The following LPIN2 variants were observed in gnomAD, a reference collection of about 807,000 sequenced individuals.
The protein encoded by LPIN2 is lipin 2.
In LPIN2, 55 loss-of-function variants were observed where a neutral mutation model predicts 111.4. The ratio of observed to expected loss-of-function variants is 0.49; its 90% CI spans 0.40 to 0.62. LPIN2 has a LOEUF of 0.62. Among genes scored for constraint, LPIN2 ranks in the 20% least tolerant of loss-of-function variants. The pLI is 0.00. For synonymous variants in LPIN2, 425 were observed against 414.0 expected, an observed-to-expected ratio of 1.03 and a Z score of -0.32; for missense variants, 992 against 1,112.1, an observed-to-expected ratio of 0.89 and a Z score of 1.54.
intron 1 of LPIN2, among the ~76,000 whole-genome samples, chr18:3,000,414 T>C (rs2078417470): frequency 6.6e-6 from 1 of 152,202 alleles, no homozygotes; most frequent in African/African-American, 2.4e-5. Context: ...GCTCAAAGGA[T>C]AAAGAAACAC....
At chr18:2,941,889 A>C (rs1045807839) in intron 4 of LPIN2, among the ~76,000 whole-genome samples, 18 of 152,210 alleles carry the variant, frequency 1.2e-4, no homozygotes, top group Admixed American at 2.6e-4. Flanking sequence ...GCACCACTGC[A>C]CTCCAGCCTA....
At chr18:2,991,148 A>T (rs981972533) in intron 1 of LPIN2, 2 of 336,400 alleles carry the variant, frequency 5.9e-6, no homozygotes, top group Non-Finnish European at 1.2e-5. Context: ...GGAGATCACA[A>T]TGCTGTGACT....
chr18:2,924,207 C>A (rs577494784), intron 15 of LPIN2, among the ~76,000 whole-genome samples, 191 bp downstream of exon 15: 1 of 152,206 alleles, frequency 6.6e-6, no homozygotes, highest in South Asian at 2.1e-4. Context: ...TGTTATGCAC[C>A]CTCACCATCT....
At chr18:2,966,069 G>C (rs2077797807) in intron 1 of LPIN2, among the ~76,000 whole-genome samples, 1 of 152,044 alleles carries the variant, frequency 6.6e-6, no homozygotes, top group Admixed American at 6.5e-5. Context: ...CGGAGAAGCT[G>C]GGACTACAGG....
intron 1 of LPIN2, among the ~76,000 whole-genome samples, chr18:2,989,100 T>C (rs944076512): frequency 3.9e-5 from 6 of 152,156 alleles, no homozygotes; most frequent in African/African-American, 1.2e-4. Flanking sequence ...ATCTACACAA[T>C]TCTCATGAAA....
At chr18:2,944,077 C>T (rs2077407483) in intron 4 of LPIN2, among the ~76,000 whole-genome samples, 1 of 151,830 alleles carries the variant, frequency 6.6e-6, no homozygotes, top group Non-Finnish European at 1.5e-5. Flanking sequence ...AGAGTTCTGG[C>T]CTTCAGAATA....
Position 3,000,082 on chromosome 18 carries a change from A to G in LPIN2, c.-10+13005T>C, listed in dbSNP as rs185509170. ...AGAGGAGGAGGAGGAGGAAGAGGAG[A>G]AGGAGGAAGAGGGGAAAGAGGGGAA... On this transcript the variant is annotated intron_variant, in intron 1 of 19. Coordinates refer to ENST00000677752, the MANE Select transcript of LPIN2 (RefSeq NM_001375808.2). Among the ~76,000 whole-genome samples the G allele has an allele frequency of 3.8e-3, 533 of 140,148 alleles. 7 individuals are homozygous for G. Among genetic ancestry groups the G allele is most frequent in the Admixed American group, 0.015 (205 of 13,780 alleles). The allele number at this position is 140,148 out of a possible 152,430, so 91.9% of individuals were successfully genotyped here.
In LPIN2 at chr18:2,939,614, A is replaced by AAC. The variant is rs775605400; in HGVS notation, c.699-13_699-12dup. On this transcript the variant is annotated splice_polypyrimidine_tract_variant and intron_variant, in intron 5 of 19. Transcript: ENST00000677752. ...GTCTGGGGATAGGTGCTGCAAAGAG[A>AAC]ACAAAGACACACGATGACTTGAAAG... is the stretch of plus-strand genomic sequence containing the variant. The AAC allele has an allele frequency of 8.9e-5, 143 of 1,612,606 alleles. No individual in the cohort carries two copies. The African/African-American group carries it at 1.7e-3, about 19-fold the overall frequency.
chr18:2,977,591 T>G (rs974749327), intron 1 of LPIN2, among the ~76,000 whole-genome samples: 11 of 152,138 alleles, frequency 7.2e-5, no homozygotes, highest in African/African-American at 2.7e-4. Flanking sequence ...AGTCAGAGAC[T>G]GGGAAATGCT....
chr18:2,945,212 T>A (rs1416090148), intron 4 of LPIN2, among the ~76,000 whole-genome samples: 2 of 152,080 alleles, frequency 1.3e-5, no homozygotes, highest in African/African-American at 2.4e-5. Context: ...TACAAAGACA[T>A]AAAAAAAGTT....
chr18:2,971,422 C>G (rs1334829911), intron 1 of LPIN2, among the ~76,000 whole-genome samples: 1 of 152,116 alleles, frequency 6.6e-6, no homozygotes, highest in Non-Finnish European at 1.5e-5. Flanking sequence ...GTGCCCAAGG[C>G]CCCCTGCCCT....
At chr18:2,975,523 G>A (rs772136039) in intron 1 of LPIN2, among the ~76,000 whole-genome samples, 11 of 152,038 alleles carry the variant, frequency 7.2e-5, no homozygotes, top group Non-Finnish European at 1.0e-4. Flanking sequence ...TAGTAGCGAC[G>A]GGGTTTCTCC....
chr18:3,010,663 TAAAG>T (rs2078587550), intron 1 of LPIN2, among the ~76,000 whole-genome samples: 1 of 152,104 alleles, frequency 6.6e-6, no homozygotes, highest in South Asian at 2.1e-4. Flanking sequence ...AAATCAGACT[TAAAG>T]AAAAGCCTCT....
intron 11 of LPIN2, 149 bp downstream of exon 11, chr18:2,928,442 T>C: frequency 1.3e-6 from 1 of 778,534 alleles, no homozygotes. Context: ...TTTTAGTGGG[T>C]ACATATGACT....
At chr18:3,001,369 G>A (rs182689197) in intron 1 of LPIN2, among the ~76,000 whole-genome samples, 22 of 152,020 alleles carry the variant, frequency 1.4e-4, no homozygotes, top group African/African-American at 5.1e-4. Flanking sequence ...ACTAAGAAAT[G>A]TAAACCAATA....
intron 1 of LPIN2, among the ~76,000 whole-genome samples, chr18:2,964,974 C>T (rs758805320): frequency 2.6e-5 from 4 of 152,096 alleles, no homozygotes; most frequent in Non-Finnish European, 4.4e-5. Flanking sequence ...TCTTTAAAAA[C>T]GATATTTAAA....
intron 1 of LPIN2, chr18:3,011,902 C>T (rs1462284561): frequency 6.6e-6 from 1 of 152,346 alleles, no homozygotes; most frequent in Non-Finnish European, 1.5e-5. Flanking sequence ...GTGTGGCCGG[C>T]TCTGCCGCTT....
At chr18:2,924,080 T>C (rs569235010) in intron 15 of LPIN2, among the ~76,000 whole-genome samples, 2 of 152,328 alleles carry the variant, frequency 1.3e-5, no homozygotes, top group South Asian at 4.1e-4. Flanking sequence ...ATGTGTGTGT[T>C]CGGAGGTAAC....
chr18:2,988,040 A>AAAAAAAAAATC (rs2078212983), intron 1 of LPIN2, among the ~76,000 whole-genome samples: 1 of 148,564 alleles, frequency 6.7e-6, no homozygotes, highest in Non-Finnish European at 1.5e-5. Flanking sequence ...AAAAAAAAAG[A>AAAAAAAAAATC]ATCATCATGA....
Sources: gnomAD v4.1 joint callset for allele counts (sites outside exome capture counted in the v4.1 genomes callset) on GRCh38, gnomAD v4.1.1 for gene constraint, MANE v1.5 for transcripts, NCBI Gene and HGNC (gene_info 2026-07-23, HGNC 2026-07-21) for gene names.